ELFN1: variants seen among roughly 807,000 people sequenced by gnomAD.
The protein encoded by ELFN1 is protein ELFN1.
Under a neutral mutation model 7.6 loss-of-function variants are expected in ELFN1, and 6 were observed. The ratio of observed to expected loss-of-function variants is 0.79; its 90% confidence interval spans 0.43 to 1.56. The LOEUF is 1.56. ELFN1 is among the 40% of genes most tolerant of loss of function. The pLI is 0.01. For missense variants in ELFN1, 1,169 were observed against 1,232.2 expected, an observed-to-expected ratio of 0.95 and a Z score of 0.77; for synonymous variants, 657 against 588.1, an observed-to-expected ratio of 1.12 and a Z score of -1.70.
intron 2 of ELFN1, among the ~76,000 whole-genome samples, 191 bp from the exon 3 acceptor site, chr7:1,708,900 T>A (rs1048940722): frequency 6.6e-6 from 1 of 152,172 alleles, no homozygotes; most frequent in Non-Finnish European, 1.5e-5. Flanking sequence ...TGGCTCTGTG[T>A]GTCAGCCTGC....
chr7:1,740,328 G>C lies in ELFN1; in HGVS notation c.-293-3976G>C, dbSNP rs1395948613. 2.0e-5 allele frequency among the ~76,000 whole-genome samples: 3 copies of C among 152,248 alleles called. No individual in the cohort carries two copies. Among genetic ancestry groups the C allele is most frequent in the African/African-American group, 7.2e-5 (3 of 41,468 alleles). On this transcript the variant is annotated intron_variant, in intron 3 of 3. Coordinates refer to ENST00000424383, the MANE Select transcript of ELFN1 (RefSeq NM_001128636.4). This position sits in a 1 kb window ranked among gnomAD's most constrained non-coding sequence, Gnocchi z 5.0. ...GCCCATACGAGCCTCTGGGTCTGAG[G>C]CAGCAAGTGTGCTGAGGAGGGGACC...
chr7:1,674,874 G>A (rs940654022), intron 1 of ELFN1, among the ~76,000 whole-genome samples: 1 of 152,136 alleles, frequency 6.6e-6, no homozygotes, highest in Non-Finnish European at 1.5e-5. Flanking sequence ...GGCCAGCCCA[G>A]CCATCACCAG....
At chr7:1,679,772 C>A (rs1438081302) in intron 1 of ELFN1, among the ~76,000 whole-genome samples, 5 of 152,238 alleles carry the variant, frequency 3.3e-5, no homozygotes, top group Admixed American at 3.3e-4. Flanking sequence ...TGGCCACACT[C>A]CAACAGTGGC....
At chr7:1,728,101 C>G (rs1301961544) in intron 3 of ELFN1, among the ~76,000 whole-genome samples, 4 of 152,174 alleles carry the variant, frequency 2.6e-5, no homozygotes, top group African/African-American at 9.7e-5. Context: ...CCTGCTCCAC[C>G]CAGGGGCCTC....
At chr7:1,678,355 G>A (rs566963486) in intron 1 of ELFN1, among the ~76,000 whole-genome samples, 1 of 152,326 alleles carries the variant, frequency 6.6e-6, no homozygotes, top group African/African-American at 2.4e-5. Context: ...TGGGCTCAGA[G>A]CAGCTCTCCC....
At chr7:1,723,136 G>A (rs1562378233) in intron 3 of ELFN1, among the ~76,000 whole-genome samples, 1 of 152,226 alleles carries the variant, frequency 6.6e-6, no homozygotes, top group African/African-American at 2.4e-5. Context: ...GGAAGTTGCA[G>A]TGAGCCAAGA....
intron 2 of ELFN1, chr7:1,694,354 G>T: frequency 6.2e-6 from 1 of 160,390 alleles, no homozygotes; most frequent in Non-Finnish European, 1.4e-5. Flanking sequence ...ACCCAGGCCG[G>T]CCCAGCCCAG....
intron 2 of ELFN1, among the ~76,000 whole-genome samples, chr7:1,696,175 AGTGT>A (rs140207256): frequency 1.4e-5 from 2 of 147,982 alleles, no homozygotes; most frequent in Admixed American, 6.8e-5. Context: ...AGAGAGAGAG[AGTGT>A]GTGTGTGTGT....
intron 3 of ELFN1, among the ~76,000 whole-genome samples, chr7:1,741,955 C>A (rs558543274): frequency 6.6e-6 from 1 of 152,144 alleles, no homozygotes; most frequent in Admixed American, 6.6e-5. Flanking sequence ...CACACCTGTG[C>A]ACACACATCT....
chr7:1,692,866 G>A (rs942559124), intron 2 of ELFN1: 25 of 176,780 alleles, frequency 1.4e-4, no homozygotes, highest in Non-Finnish European at 3.0e-4. Flanking sequence ...AATCAAAGGA[G>A]AGAAAGTGAA....
In ELFN1 at chr7:1,744,824, G is replaced by A. The variant is rs1344473248; in HGVS notation, c.228G>A (p.Gln76=). The A allele has an allele frequency of 6.4e-7, 1 of 1,569,564 alleles. No individual in the cohort carries two copies. Among genetic ancestry groups the A allele is most frequent in the Admixed American group, 1.9e-5 (1 of 52,984 alleles). The change falls in exon 4 of 4, where the codon CAG becomes CAA. Residue 76 remains glutamine (Q), a synonymous_variant. Transcript: ENST00000424383. ...RLNENRIRSV[Q]YASLSRFGNL... ...ACGAGAACCGTATCCGCAGCGTGCA[G>A]TACGCCTCGCTCAGCCGCTTTGGCA... is the stretch of plus-strand genomic sequence containing the variant.
intron 3 of ELFN1, among the ~76,000 whole-genome samples, chr7:1,725,645 G>A (rs187165708): frequency 1.1e-3 from 165 of 152,312 alleles, no homozygotes; most frequent in African/African-American, 3.7e-3. Context: ...CCCAGCTGTC[G>A]GACGCCCGCC....
Position 1,695,405 on chromosome 7 carries a change from T to C in ELFN1, c.-456+7255T>C, listed in dbSNP as rs760675469. 6.6e-6 allele frequency among the ~76,000 whole-genome samples: 1 copy of C among 152,088 alleles called. No individual in the cohort carries two copies. The highest frequency in any genetic ancestry group is 1.5e-5 in the Non-Finnish European group (1 of 68,000). On this transcript the variant is annotated intron_variant, in intron 2 of 3. Coordinates refer to ENST00000424383, the MANE Select transcript of ELFN1 (RefSeq NM_001128636.4). This position sits in a 1 kb window ranked among gnomAD's most constrained non-coding sequence, Gnocchi z 5.1. ...TGGCACAAGCCTGGGCGAGTCTCGC[T>C]GGGAGGCAGGAGCAGACTCAGCCCG...
At position 1,746,897 on chromosome 7, in the gene ELFN1, G is replaced by C; in HGVS notation, c.2301G>C (p.Glu767Asp). ...GCCTGAGCTACTCCTCCAGCCCCGA[G>C]TACACCTGCCGGGCCTCCCAGAGCA... ...YHSLSYSSSP[E>D]YTCRASQSIW... Residue 767 changes from glutamate (E) to aspartate (D), a missense_variant, in exon 4 of 4, where the codon GAG becomes GAC. This residue lies in a region of ELFN1 where 914 missense variants were observed against 872.6 expected (regional missense o/e 1.05). Coordinates refer to ENST00000424383, the MANE Select transcript of ELFN1 (RefSeq NM_001128636.4). 1.3e-6 allele frequency: 2 copies of C among 1,547,474 alleles called. No individual in the cohort carries two copies. Among genetic ancestry groups the C allele is most frequent in the Non-Finnish European group, 1.7e-6 (2 of 1,145,406 alleles).
chr7:1,707,308 G>A (rs1779555299), intron 2 of ELFN1, among the ~76,000 whole-genome samples: 3 of 152,362 alleles, frequency 2.0e-5, no homozygotes, highest in South Asian at 4.1e-4. Flanking sequence ...ACTGCAGGCT[G>A]GCTGCACACG....
At chr7:1,741,901 A>G (rs1780627575) in intron 3 of ELFN1, among the ~76,000 whole-genome samples, 1 of 151,854 alleles carries the variant, frequency 6.6e-6, no homozygotes. Context: ...GGCCCCAGTG[A>G]GCATGGCCTG....
At chr7:1,693,088 C>T (rs1053805029) in intron 2 of ELFN1, 3 of 325,640 alleles carry the variant, frequency 9.2e-6, no homozygotes, top group South Asian at 2.6e-5. Context: ...CCCAGCTGGG[C>T]TGGCCCGTCC....
intron 3 of ELFN1, among the ~76,000 whole-genome samples, chr7:1,734,452 G>T (rs1302926269): frequency 6.6e-6 from 1 of 152,242 alleles, no homozygotes; most frequent in Non-Finnish European, 1.5e-5. Flanking sequence ...GCAGCCCGGG[G>T]CTGCGAGCCC....
rs1780428721 is a variant in ELFN1 at position 1,735,936 on chromosome 7, A to G, written c.-293-8368A>G. ...GACTGAGGCTAAGAGAGGTTAAGTG[A>G]CATGCCCAAGGTCACACAGCAGGCG... On this transcript the variant is annotated intron_variant, in intron 3 of 3. Coordinates refer to ENST00000424383, the MANE Select transcript of ELFN1 (RefSeq NM_001128636.4). The surrounding 1 kb of genome is among the most constrained non-coding windows in gnomAD (Gnocchi z 5.9). Among the ~76,000 whole-genome samples the G allele has an allele frequency of 6.6e-6, 1 of 152,114 alleles. No individual in the cohort carries two copies. The highest frequency in any genetic ancestry group is 1.5e-5 in the Non-Finnish European group (1 of 67,998).
Sources: allele counts gnomAD v4.1 joint callset (sites outside exome capture counted in the v4.1 genomes callset), GRCh38; gene constraint gnomAD v4.1.1; regional missense constraint gnomAD v4.1.1; non-coding constraint Gnocchi (gnomAD v3.1); transcripts MANE v1.5; gene names NCBI Gene and HGNC (gene_info 2026-07-23, HGNC 2026-07-21).